Variants in KCNQ1OT1 observed in about 807,000 individuals in gnomAD.
The protein encoded by KCNQ1OT1 is KCNQ1 antisense RNA 2 (non-protein coding).
rs1850116956 is a variant in KCNQ1OT1, at chr11:2,668,141, G to A, written n.31854C>T. 3 of 398,512 alleles carry A rather than the reference G, an allele frequency of 7.5e-6. No individual in the cohort carries two copies. Among genetic ancestry groups the A allele is most frequent in the Admixed American group, 8.8e-5 (2 of 22,712 alleles). 24.7% of individuals were successfully genotyped at this position (398,512 alleles called of 1,614,324 possible). On this transcript the variant is annotated non_coding_transcript_exon_variant, in exon 1 of 1. Coordinates refer to ENST00000597346, the Ensembl canonical transcript of KCNQ1OT1. The surrounding 1 kb of genome is among the most constrained non-coding windows in gnomAD (Gnocchi z 4.3). ...TGTCTGGCAGCCTCTCTATGGGGCT[G>A]AAGGGAGAGTGCTCCCTCATGCTCC... is the stretch of plus-strand genomic sequence containing the variant.
chr11:2,626,281 A>T lies in KCNQ1OT1; in HGVS notation n.73714T>A, dbSNP rs561904831. The T allele has an allele frequency of 2.5e-6, 1 of 398,398 alleles. No individual in the cohort carries two copies. The highest frequency in any genetic ancestry group is 2.1e-5 in the African/African-American group (1 of 48,602). The allele number at this position is 398,398 out of a possible 1,614,324, so 24.7% of individuals were successfully genotyped here. A position where few individuals can be genotyped will look rare whatever the true frequency, so the allele number is the denominator to read the frequency against. ...CTCTTTTATACATGGTTAGGTAAGGATCTCAACTTCATTCTCTTGAGTTAA... is the reference window on the plus strand; with the variant it reads ...CTCTTTTATACATGGTTAGGTAAGGTTCTCAACTTCATTCTCTTGAGTTAA... On this transcript the variant is annotated non_coding_transcript_exon_variant, in exon 1 of 1. Coordinates refer to ENST00000597346, the Ensembl canonical transcript of KCNQ1OT1. This position sits in a 1 kb window ranked among gnomAD's most constrained non-coding sequence, Gnocchi z 4.0.
In KCNQ1OT1 at chr11:2,613,915, G is replaced by A. The variant is rs2133794177; in HGVS notation, n.86080C>T. On this transcript the variant is annotated non_coding_transcript_exon_variant, in exon 1 of 1. Transcript: ENST00000597346. The surrounding 1 kb of genome is among the most constrained non-coding windows in gnomAD (Gnocchi z 4.8). ...TCATTTCCCAAAAAAGTACTATTCT[G>A]TATATGCCCTTTTGAACTTTGCTTT... 1 of 398,496 alleles carries A rather than the reference G, an allele frequency of 2.5e-6. No individual in the cohort carries two copies. Among genetic ancestry groups the A allele is most frequent in the Non-Finnish European group, 4.4e-6 (1 of 226,032 alleles). The allele number at this position is 398,496 out of a possible 1,614,324, so 24.7% of individuals were successfully genotyped here.
chr11:2,634,131 T>C (rs1849410423), exon 1 of KCNQ1OT1: 1 of 316,686 alleles, frequency 3.2e-6, no homozygotes, highest in Non-Finnish European at 5.2e-6. Context: ...AGATTGTCTT[T>C]GGTATTTTTT....
rs115246282 is a variant in KCNQ1OT1, at chr11:2,671,804, A to T, written n.28191T>A. The T allele has an allele frequency of 2.5e-6, 1 of 398,578 alleles. No individual in the cohort carries two copies. The highest frequency in any genetic ancestry group is 4.4e-6 in the Non-Finnish European group (1 of 226,128). The allele number at this position is 398,578 out of a possible 1,614,324, so 24.7% of individuals were successfully genotyped here. On this transcript the variant is annotated non_coding_transcript_exon_variant, in exon 1 of 1. Coordinates refer to ENST00000597346, the Ensembl canonical transcript of KCNQ1OT1. This position sits in a 1 kb window ranked among gnomAD's most constrained non-coding sequence, Gnocchi z 4.7. ...TGACCCAGTCAGGGTTCTTCCCCCAAATAAATCCCTGCAACCCCACTGTGG... is the reference window on the plus strand; with the variant it reads ...TGACCCAGTCAGGGTTCTTCCCCCATATAAATCCCTGCAACCCCACTGTGG...
At chr11:2,628,946 T>C (rs1849306782) in exon 1 of KCNQ1OT1, 5 of 398,418 alleles carry the variant, frequency 1.3e-5, no homozygotes, top group Middle Eastern at 1.3e-3. Context: ...TTTATTTCTA[T>C]GCTTTCTATT....
exon 1 of KCNQ1OT1, chr11:2,660,922 C>G: frequency 2.5e-6 from 1 of 398,590 alleles, no homozygotes; most frequent in Non-Finnish European, 4.4e-6. Context: ...CTATAAGAGC[C>G]TGAATGTCCA....
chr11:2,627,962 G>A lies in KCNQ1OT1; in HGVS notation n.72033C>T. ...AGATAGGGTATCACTATGTTTCCTA[G>A]GCTGGTCTCAAACTCCTGTGTTCAA... On this transcript the variant is annotated non_coding_transcript_exon_variant, in exon 1 of 1. Coordinates refer to ENST00000597346, the Ensembl canonical transcript of KCNQ1OT1. The surrounding 1 kb of genome is among the most constrained non-coding windows in gnomAD (Gnocchi z 4.9). 2 of 398,528 alleles carry A rather than the reference G, an allele frequency of 5.0e-6. No individual in the cohort carries two copies. The highest frequency in any genetic ancestry group is 3.6e-5 in the East Asian group (1 of 28,062). 24.7% of individuals were successfully genotyped at this position (398,528 alleles called of 1,614,324 possible). A position where few individuals can be genotyped will look rare whatever the true frequency, so the allele number is the denominator to read the frequency against.
rs1850034790 is a variant in KCNQ1OT1 at position 2,664,802 on chromosome 11, T to A, written n.35193A>T. On this transcript the variant is annotated non_coding_transcript_exon_variant, in exon 1 of 1. Transcript: ENST00000597346. This position sits in a 1 kb window ranked among gnomAD's most constrained non-coding sequence, Gnocchi z 5.1. The stretch of plus-strand genomic sequence containing the variant: ...TGGGAGGCAGTTACCAAAAAACATT[T>A]CCATTTTTCTTCAGCATTCTACTGA... 5 of 398,592 alleles carry A rather than the reference T, an allele frequency of 1.3e-5. No homozygotes were observed. Among genetic ancestry groups the A allele is most frequent in the African/African-American group, 1.0e-4 (5 of 48,618 alleles). The allele number at this position is 398,592 out of a possible 1,614,324, so 24.7% of individuals were successfully genotyped here. A position where few individuals can be genotyped will look rare whatever the true frequency, so the allele number is the denominator to read the frequency against.
rs542129721 is a variant in KCNQ1OT1 at position 2,677,172 on chromosome 11, C to A, written n.22823G>T. On this transcript the variant is annotated non_coding_transcript_exon_variant, in exon 1 of 1. Transcript: ENST00000597346. The surrounding 1 kb of genome is among the most constrained non-coding windows in gnomAD (Gnocchi z 4.5). ...GTTGTTTCTCCCTATCCATCTTATC[C>A]CTACTTGTATCTCTGCTGACTGACC... 12 of 398,454 alleles carry A rather than the reference C, an allele frequency of 3.0e-5. No individual in the cohort carries two copies. The highest frequency in any genetic ancestry group is 5.3e-5 in the Non-Finnish European group (12 of 226,074). The allele number at this position is 398,454 out of a possible 1,614,324, so 24.7% of individuals were successfully genotyped here.
chr11:2,623,317 C>T lies in KCNQ1OT1; in HGVS notation n.76678G>A, dbSNP rs1028398208. ...GTAGTTCTTTATAGCACTGTGAGAA[C>T]GGACTAATATGCATGTATCTACCAT... On this transcript the variant is annotated non_coding_transcript_exon_variant, in exon 1 of 1. Coordinates refer to ENST00000597346, the Ensembl canonical transcript of KCNQ1OT1. This position sits in a 1 kb window ranked among gnomAD's most constrained non-coding sequence, Gnocchi z 5.2. The T allele has an allele frequency of 6.5e-5, 26 of 398,550 alleles. No individual in the cohort carries two copies. The highest frequency in any genetic ancestry group is 4.0e-4 in the Admixed American group (9 of 22,706). 24.7% of individuals were successfully genotyped at this position (398,550 alleles called of 1,614,324 possible). A position where few individuals can be genotyped will look rare whatever the true frequency, so the allele number is the denominator to read the frequency against.
Position 2,695,031 on chromosome 11 carries a change from G to C in KCNQ1OT1, n.4964C>G. On this transcript the variant is annotated non_coding_transcript_exon_variant, in exon 1 of 1. Coordinates refer to ENST00000597346, the Ensembl canonical transcript of KCNQ1OT1. The surrounding 1 kb of genome is among the most constrained non-coding windows in gnomAD (Gnocchi z 5.2). The stretch of plus-strand genomic sequence containing the variant: ...GGGAGGACAGTGGTCAGAGAGGTAA[G>C]CAGGGCAGATCTTGTAAAAACCTGA... The C allele has an allele frequency of 2.5e-6, 1 of 398,672 alleles. No homozygotes were observed. Among genetic ancestry groups the C allele is most frequent in the East Asian group, 3.6e-5 (1 of 28,076 alleles). The allele number at this position is 398,672 out of a possible 1,614,324, so 24.7% of individuals were successfully genotyped here. A position where few individuals can be genotyped will look rare whatever the true frequency, so the allele number is the denominator to read the frequency against.
At chr11:2,629,956 G>T in exon 1 of KCNQ1OT1, 1 of 398,184 alleles carries the variant, frequency 2.5e-6, no homozygotes, top group East Asian at 3.6e-5. Context: ...TTCCAGTACT[G>T]TGTTGAATAG....
chr11:2,679,182 A>G lies in KCNQ1OT1; in HGVS notation n.20813T>C. The stretch of plus-strand genomic sequence containing the variant: ...GCGACTCAGTTTCCATGTCTGAGTT[A>G]GGCCACCTGTAACAATGCAGCCCCA... On this transcript the variant is annotated non_coding_transcript_exon_variant, in exon 1 of 1. Coordinates refer to ENST00000597346, the Ensembl canonical transcript of KCNQ1OT1. This position sits in a 1 kb window ranked among gnomAD's most constrained non-coding sequence, Gnocchi z 4.8. The G allele has an allele frequency of 2.5e-6, 1 of 398,662 alleles. No homozygotes were observed. The highest frequency in any genetic ancestry group is 4.4e-6 in the Non-Finnish European group (1 of 226,096). 24.7% of individuals were successfully genotyped at this position (398,662 alleles called of 1,614,324 possible). A position where few individuals can be genotyped will look rare whatever the true frequency, so the allele number is the denominator to read the frequency against.
At position 2,628,075 on chromosome 11, in the gene KCNQ1OT1, C is replaced by T. The variant is rs117375320; in HGVS notation, n.71920G>A. 1,683 of 398,586 alleles carry T rather than the reference C, an allele frequency of 4.2e-3. 2 individuals carry two copies. Among genetic ancestry groups the T allele is most frequent in the Non-Finnish European group, 5.3e-3 (1,190 of 226,060 alleles). The allele number at this position is 398,586 out of a possible 1,614,324, so 24.7% of individuals were successfully genotyped here. ...GAATACTATGTTGCTCATTTCTTGA[C>T]TACTGTAACACTACAATGAACATGG... On this transcript the variant is annotated non_coding_transcript_exon_variant, in exon 1 of 1. Transcript: ENST00000597346.
exon 1 of KCNQ1OT1, chr11:2,688,291 TGAA>T (rs1482170395): frequency 2.5e-6 from 1 of 398,580 alleles, no homozygotes; most frequent in Non-Finnish European, 4.4e-6. Flanking sequence ...ACAAGGAAAA[TGAA>T]GACTCTGGAA....
Position 2,645,377 on chromosome 11 carries a change from A to T in KCNQ1OT1, n.54618T>A. The T allele has an allele frequency of 2.5e-6, 1 of 398,792 alleles. No homozygotes were observed. The highest frequency in any genetic ancestry group is 3.6e-5 in the East Asian group (1 of 28,056). The allele number at this position is 398,792 out of a possible 1,614,324, so 24.7% of individuals were successfully genotyped here. A position where few individuals can be genotyped will look rare whatever the true frequency, so the allele number is the denominator to read the frequency against. On this transcript the variant is annotated non_coding_transcript_exon_variant, in exon 1 of 1. Coordinates refer to ENST00000597346, the Ensembl canonical transcript of KCNQ1OT1. This position sits in a 1 kb window ranked among gnomAD's most constrained non-coding sequence, Gnocchi z 5.8. The stretch of plus-strand genomic sequence containing the variant: ...GTATGCGCTGGCACTGGGAGAAAAG[A>T]GGGTGGGACCAGGCCAGGTGGGCCT...
chr11:2,683,686 C>G lies in KCNQ1OT1; in HGVS notation n.16309G>C, dbSNP rs1850437570. On this transcript the variant is annotated non_coding_transcript_exon_variant, in exon 1 of 1. Coordinates refer to ENST00000597346, the Ensembl canonical transcript of KCNQ1OT1. This position sits in a 1 kb window ranked among gnomAD's most constrained non-coding sequence, Gnocchi z 4.7. ...CCCATCTCAATACAACTGTGAAAAG[C>G]CTAGCCTGGGACTCAGGCCTTTCCT... 2 of 398,524 alleles carry G rather than the reference C, an allele frequency of 5.0e-6. No individual in the cohort carries two copies. The highest frequency in any genetic ancestry group is 2.1e-5 in the African/African-American group (1 of 48,634). 24.7% of individuals were successfully genotyped at this position (398,524 alleles called of 1,614,324 possible). A position where few individuals can be genotyped will look rare whatever the true frequency, so the allele number is the denominator to read the frequency against.
chr11:2,680,800 A>G lies in KCNQ1OT1; in HGVS notation n.19195T>C, dbSNP rs1850384221. On this transcript the variant is annotated non_coding_transcript_exon_variant, in exon 1 of 1. Transcript: ENST00000597346. ...TTCTTTATCATTCCAAGAAAATTAT[A>G]TAAATGGAACCACATAGCAAATCAC... The G allele has an allele frequency of 2.0e-5, 8 of 397,668 alleles. No homozygotes were observed. The South Asian group carries it at 1.0e-3, about 51-fold the overall frequency. 24.6% of individuals were successfully genotyped at this position (397,668 alleles called of 1,614,324 possible).
exon 1 of KCNQ1OT1, chr11:2,699,664 G>GGGGAGAACCGCGCCGAAGAACCCCCC: frequency 5.6e-6 from 2 of 358,570 alleles, no homozygotes; most frequent in South Asian, 1.3e-4. Flanking sequence ...AAGAACCCCC[G>GGGGAGAACCGCGCCGAAGAACCCCCC]GGGAGAACCG....
Sources: allele counts gnomAD v4.1 joint callset, GRCh38; gene constraint gnomAD v4.1.1; non-coding constraint Gnocchi (gnomAD v3.1); transcripts MANE v1.5; gene names NCBI Gene and HGNC (gene_info 2026-07-23, HGNC 2026-07-21).